The following RHOT1 variants were observed in gnomAD, a reference collection of about 807,000 sequenced individuals.
RHOT1 encodes ras homolog family member T1, also known as mitochondrial Rho GTPase 1.
RHOT1 carries 27 observed loss-of-function variants against 95.3 expected under a neutral mutation model. That is an observed-to-expected ratio of 0.28 (90% CI 0.21 to 0.39). The LOEUF is 0.39. Ranked by LOEUF, RHOT1 falls within the 10% of genes least tolerant of loss-of-function variation. The pLI, the probability that RHOT1 is intolerant of heterozygous loss-of-function variation, is 1.00. For missense variants in RHOT1, 578 were observed against 786.7 expected, an observed-to-expected ratio of 0.73 and a Z score of 3.17; for synonymous variants, 227 against 263.5, an observed-to-expected ratio of 0.86 and a Z score of 1.34.
chr17:32,192,996 G>A, intron 9 of RHOT1, 140 bp from the exon 10 acceptor site: 1 of 590,080 alleles, frequency 1.7e-6, no homozygotes, highest in Non-Finnish European at 3.0e-6. Context: ...ATTTAAAAAA[G>A]TGGTGACTAT....
At chr17:32,193,058 T>C in intron 9 of RHOT1, 78 bp from the exon 10 acceptor site, 1 of 855,986 alleles carries the variant, frequency 1.2e-6, no homozygotes, top group Non-Finnish European at 1.9e-6. Flanking sequence ...TTAATATTGC[T>C]TTGTAGATTA....
rs1191177931 is a variant in RHOT1, at chr17:32,142,508, C to G, written c.-185C>G. 4.7e-6 allele frequency: 2 copies of G among 424,538 alleles called. No homozygotes were observed. The highest frequency in any genetic ancestry group is 4.4e-5 in the African/African-American group (2 of 45,940). 26.3% of individuals were successfully genotyped at this position (424,538 alleles called of 1,614,324 possible). On this transcript the variant is annotated 5_prime_UTR_variant, in exon 1 of 20. Transcript: ENST00000545287. ...CGCCGCCGCCGCCGCCGCCACAGCC[C>G]GCTGGGCCGGAGGAGGCGGAGCTGG...
intron 11 of RHOT1, among the ~76,000 whole-genome samples, chr17:32,195,381 T>C (rs73268504): frequency 0.041 from 6,189 of 152,264 alleles, 421 homozygotes; most frequent in African/African-American, 0.14. Context: ...CCTAAGGTGC[T>C]GCGATTACAG....
chr17:32,219,569 ACAGT>A (rs2038700439), intron 19 of RHOT1, among the ~76,000 whole-genome samples: 1 of 152,236 alleles, frequency 6.6e-6, no homozygotes, highest in African/African-American at 2.4e-5. Flanking sequence ...CACAGTTCAC[ACAGT>A]TGTTCGTTTA....
intron 6 of RHOT1, among the ~76,000 whole-genome samples, chr17:32,180,274 G>A (rs1442385749): frequency 6.6e-6 from 1 of 152,150 alleles, no homozygotes; most frequent in Non-Finnish European, 1.5e-5. Flanking sequence ...TGTGTAGAAA[G>A]AAGTAGATAT....
chr17:32,146,918 T>TC (rs2142344212), intron 1 of RHOT1, among the ~76,000 whole-genome samples: 1 of 147,342 alleles, frequency 6.8e-6, no homozygotes, highest in Admixed American at 6.8e-5. Flanking sequence ...TTTTTTTTTT[T>TC]TTTTTTTAGT....
At chr17:32,176,426 C>T (rs1375767880) in intron 6 of RHOT1, among the ~76,000 whole-genome samples, 5 of 152,080 alleles carry the variant, frequency 3.3e-5, no homozygotes, top group Non-Finnish European at 7.4e-5. Context: ...AGTAGATATA[C>T]TTGAGAGCAA....
At chr17:32,176,542 T>TTTTATTTA (rs368484694) in intron 6 of RHOT1, among the ~76,000 whole-genome samples, 4,750 of 140,614 alleles carry the variant, frequency 0.034, 118 homozygotes, top group Admixed American at 0.056. Flanking sequence ...AAAGTCTCAG[T>TTTTATTTA]TTTATTTATT....
intron 19 of RHOT1, chr17:32,221,133 C>T (rs560873937): frequency 2.4e-5 from 16 of 674,680 alleles, no homozygotes; most frequent in African/African-American, 9.8e-5. Context: ...TTTCGGAAGC[C>T]GAGGTGGGTG....
At chr17:32,161,784 A>G (rs79811994) in intron 1 of RHOT1, among the ~76,000 whole-genome samples, 2 of 152,326 alleles carry the variant, frequency 1.3e-5, no homozygotes, top group East Asian at 3.9e-4. Flanking sequence ...CCCTTACTTC[A>G]GCAGCATGCA....
chr17:32,198,516 C>G (rs2037071532), intron 11 of RHOT1, among the ~76,000 whole-genome samples: 1 of 152,100 alleles, frequency 6.6e-6, no homozygotes, highest in African/African-American at 2.4e-5. Context: ...TTTGAGCCAG[C>G]CTGGGCAACA....
chr17:32,191,835 A>G (rs2036513978), intron 8 of RHOT1, among the ~76,000 whole-genome samples: 1 of 150,816 alleles, frequency 6.6e-6, no homozygotes, highest in African/African-American at 2.5e-5. Context: ...AGTTGAGGGG[A>G]AAGTCCTTAG....
intron 8 of RHOT1, among the ~76,000 whole-genome samples, chr17:32,191,959 T>A (rs2036521744): frequency 6.6e-6 from 1 of 152,214 alleles, no homozygotes; most frequent in Non-Finnish European, 1.5e-5. Flanking sequence ...GAACTTCTCT[T>A]TTCCCTGTTC....
intron 6 of RHOT1, among the ~76,000 whole-genome samples, chr17:32,176,793 A>C (rs1416908913): frequency 1.3e-5 from 2 of 151,976 alleles, no homozygotes; most frequent in Non-Finnish European, 2.9e-5. Context: ...CTGGTCTCGA[A>C]CTCATGACCT....
At chr17:32,146,600 C>G (rs1338655651) in intron 1 of RHOT1, among the ~76,000 whole-genome samples, 1 of 149,868 alleles carries the variant, frequency 6.7e-6, no homozygotes, top group African/African-American at 2.5e-5. Context: ...TGCCCACCAC[C>G]ACGCCCGGCT....
chr17:32,193,065 A>G, intron 9 of RHOT1, 71 bp from the exon 10 acceptor site: 6 of 909,360 alleles, frequency 6.6e-6, no homozygotes, highest in Non-Finnish European at 1.0e-5. Context: ...TGCTTTGTAG[A>G]TTATCATTTT....
At chr17:32,175,162 C>T (rs143652006) in intron 3 of RHOT1, among the ~76,000 whole-genome samples, 157 bp from the exon 4 acceptor site, 17 of 152,300 alleles carry the variant, frequency 1.1e-4, no homozygotes, top group Non-Finnish European at 2.2e-4. Context: ...GCTGCCTTAT[C>T]GTAGTTGAAC....
At chr17:32,202,231 A>G (rs893567431) in intron 14 of RHOT1, among the ~76,000 whole-genome samples, 1 of 152,176 alleles carries the variant, frequency 6.6e-6, no homozygotes, top group African/African-American at 2.4e-5. Context: ...TCTTTACCTC[A>G]GGAAGGGATG....
In RHOT1 at chr17:32,193,190, G is replaced by A. The variant is rs773414468; in HGVS notation, c.694G>A (p.Val232Ile). 1.9e-6 allele frequency: 3 copies of A among 1,613,746 alleles called. No individual in the cohort carries two copies. Among genetic ancestry groups the A allele is most frequent in the Non-Finnish European group, 2.5e-6 (3 of 1,179,850 alleles). ...TCAAGCTCTGGAGGATGTCAAGAAT[G>A]TAGTCAGAAAACATATAAGTGATGG... is the stretch of plus-strand genomic sequence containing the variant. ...APQALEDVKN[V>I]VRKHISDGVA... Residue 232 changes from valine to isoleucine, a missense_variant, in exon 10 of 20, where the codon GTA becomes ATA. Coordinates refer to ENST00000545287, the MANE Select transcript of RHOT1 (RefSeq NM_001033566.3).
Sources: gnomAD v4.1 joint callset for allele counts (sites outside exome capture counted in the v4.1 genomes callset) on GRCh38, gnomAD v4.1.1 for gene constraint, MANE v1.5 for transcripts, NCBI Gene and HGNC (gene_info 2026-07-23, HGNC 2026-07-21) for gene names.